CNIH3: variants seen among roughly 807,000 people sequenced by gnomAD.
CNIH3 encodes the protein protein cornichon homolog 3.
A neutral mutation model predicts 24.1 loss-of-function variants in CNIH3; 14 were observed. The ratio of observed to expected loss-of-function variants is 0.58; its 90% CI spans 0.38 to 0.91. The LOEUF (loss-of-function observed/expected upper bound fraction) is 0.91. CNIH3 is among the 40% of genes least tolerant of loss of function. The probability of loss-of-function intolerance (pLI) is 0.00; values close to 1 mark genes in which losing one functional copy is unlikely to be tolerated. For missense variants in CNIH3, 178 were observed against 196.8 expected (o/e 0.90, Z 0.57); for synonymous variants, 68 against 73.8 (o/e 0.92, Z 0.40).
At chr1:224,668,162 G>A (rs761455175) in intron 1 of CNIH3, among the ~76,000 whole-genome samples, 1 of 152,178 alleles carries the variant, frequency 6.6e-6, no homozygotes, top group Non-Finnish European at 1.5e-5. Flanking sequence ...ATGTAAGAGA[G>A]GGCCTTGCTT....
intron 4 of CNIH3, among the ~76,000 whole-genome samples, chr1:224,582,559 T>G (rs1681322308): frequency 6.6e-6 from 1 of 152,214 alleles, no homozygotes; most frequent in African/African-American, 2.4e-5. Context: ...TTCTTACGTG[T>G]ACATGTAATG....
At position 224,562,735 on chromosome 1, in the gene CNIH3, C is replaced by T. The variant is rs368519129; in HGVS notation, n.451-3464C>T. On this transcript the variant is annotated intron_variant and non_coding_transcript_variant, in intron 3 of 5. Coordinates refer to the CNIH3 transcript ENST00000471578. Reference sequence around the variant, plus strand: ...TAAAAGAGCATGACACCCCTCCCCTCACTGTCTCTCTCTTGCCCCGTCCCT... The same window carrying T: ...TAAAAGAGCATGACACCCCTCCCCTTACTGTCTCTCTCTTGCCCCGTCCCT... Among the ~76,000 whole-genome samples the T allele has an allele frequency of 1.8e-4, 27 of 152,168 alleles. No homozygotes were observed. In the East Asian group the frequency reaches 3.9e-3, roughly 22 times the overall value.
At chr1:224,545,710 C>T (rs1200047858) in intron 2 of CNIH3, among the ~76,000 whole-genome samples, 1 of 152,116 alleles carries the variant, frequency 6.6e-6, no homozygotes, top group African/African-American at 2.4e-5. Flanking sequence ...GGACTTGTGG[C>T]CTTGAACAAA....
intron 1 of CNIH3, among the ~76,000 whole-genome samples, chr1:224,442,314 G>A (rs1164539931): frequency 6.6e-6 from 1 of 151,938 alleles, no homozygotes; most frequent in Non-Finnish European, 1.5e-5. Context: ...CTCTTACTGG[G>A]GTTTGTATCA....
intron 3 of CNIH3, among the ~76,000 whole-genome samples, chr1:224,687,317 G>T (rs1558294100): frequency 6.6e-6 from 1 of 152,170 alleles, no homozygotes; most frequent in Non-Finnish European, 1.5e-5. Context: ...CTGCAGCCTT[G>T]AACTCCTTGG....
At chr1:224,656,813 C>T (rs749892799) in intron 1 of CNIH3, among the ~76,000 whole-genome samples, 1 of 152,146 alleles carries the variant, frequency 6.6e-6, no homozygotes, top group Non-Finnish European at 1.5e-5. Context: ...AGCTCAGAGA[C>T]AGTAGTTAAT....
At chr1:224,585,609 G>A (rs985048692) in intron 5 of CNIH3, among the ~76,000 whole-genome samples, 10 of 151,742 alleles carry the variant, frequency 6.6e-5, no homozygotes, top group Admixed American at 3.9e-4. Flanking sequence ...CTCCCAAGTA[G>A]CCAGGACTAC....
intron 1 of CNIH3, among the ~76,000 whole-genome samples, chr1:224,642,729 G>A (rs1037622763): frequency 6.6e-6 from 1 of 152,162 alleles, no homozygotes; most frequent in Non-Finnish European, 1.5e-5. Context: ...TTTTATTTAA[G>A]AGAATGCTTT....
chr1:224,475,024 G>C (rs545895312), intron 1 of CNIH3, among the ~76,000 whole-genome samples: 1 of 136,910 alleles, frequency 7.3e-6, no homozygotes, highest in Non-Finnish European at 1.5e-5. Context: ...CAGCCTGAGC[G>C]ACAGAAGGAG....
At chr1:224,543,335 T>C (rs554300905) in intron 2 of CNIH3, among the ~76,000 whole-genome samples, 74 of 152,284 alleles carry the variant, frequency 4.9e-4, no homozygotes, top group African/African-American at 1.6e-3. Context: ...TGCTTCGGAT[T>C]TGTATCCTTT....
At chr1:224,443,002 A>G (rs1674986624) in intron 1 of CNIH3, among the ~76,000 whole-genome samples, 1 of 152,160 alleles carries the variant, frequency 6.6e-6, no homozygotes, top group African/African-American at 2.4e-5. Context: ...CCCATTAGGG[A>G]CACTAAAAGA....
intron 4 of CNIH3, among the ~76,000 whole-genome samples, chr1:224,731,152 G>A (rs899416040): frequency 6.6e-6 from 1 of 152,154 alleles, no homozygotes; most frequent in African/African-American, 2.4e-5. Flanking sequence ...TTTTTAGGGT[G>A]ATGAAAATGT....
chr1:224,704,647 A>G lies in CNIH3; in HGVS notation c.198+19804A>G, dbSNP rs958248637. On this transcript the variant is annotated intron_variant, in intron 3 of 5. Coordinates refer to ENST00000272133, the MANE Select transcript of CNIH3 (RefSeq NM_152495.2). This position sits in a 1 kb window ranked among gnomAD's most constrained non-coding sequence, Gnocchi z 4.2. The stretch of plus-strand genomic sequence containing the variant: ...GCTGGACCATTTAATTGTATACATC[A>G]TGGATCTGCATCCCCAAATACATCC... Among the ~76,000 whole-genome samples the G allele has an allele frequency of 1.3e-5, 2 of 152,140 alleles. No homozygotes were observed. The highest frequency in any genetic ancestry group is 4.8e-5 in the African/African-American group (2 of 41,426).
chr1:224,621,698 G>T (rs955880623), intron 1 of CNIH3, among the ~76,000 whole-genome samples: 1 of 152,222 alleles, frequency 6.6e-6, no homozygotes, highest in African/African-American at 2.4e-5. Context: ...TTTCTCCAGA[G>T]CCCAGAACAG....
At chr1:224,688,280 T>C in intron 3 of CNIH3, among the ~76,000 whole-genome samples, 1 of 152,258 alleles carries the variant, frequency 6.6e-6, no homozygotes. Flanking sequence ...TGCTTCTGTC[T>C]GTCTGGCCCT....
intron 1 of CNIH3, among the ~76,000 whole-genome samples, chr1:224,628,462 G>A (rs1350644161): frequency 6.6e-6 from 1 of 151,844 alleles, no homozygotes; most frequent in Non-Finnish European, 1.5e-5. Context: ...CAAGCCCCTG[G>A]CCACCACCAT....
chr1:224,717,783 A>T (rs1271230014), intron 3 of CNIH3: 1 of 152,222 alleles, frequency 6.6e-6, no homozygotes, highest in African/African-American at 2.4e-5. Flanking sequence ...CTCACCTGTA[A>T]GGGACCAGCC....
upstream of CNIH3, among the ~76,000 whole-genome samples, chr1:224,511,021 T>C (rs1173177453): frequency 2.0e-5 from 3 of 152,322 alleles, no homozygotes; most frequent in Admixed American, 1.3e-4. Flanking sequence ...AGATCTCTGT[T>C]TATGCATTGT....
chr1:224,464,125 G>A (rs1254114694), intron 1 of CNIH3, among the ~76,000 whole-genome samples: 1 of 151,956 alleles, frequency 6.6e-6, no homozygotes, highest in Non-Finnish European at 1.5e-5. Flanking sequence ...ATCTTTTGAA[G>A]AGCTTAACCT....
Sources: allele counts gnomAD v4.1 joint callset (sites outside exome capture counted in the v4.1 genomes callset), GRCh38; gene constraint gnomAD v4.1.1; non-coding constraint Gnocchi (gnomAD v3.1); transcripts MANE v1.5; gene names NCBI Gene and HGNC (gene_info 2026-07-23, HGNC 2026-07-21).